The following NKAIN3 variants were observed in gnomAD, a reference collection of about 807,000 sequenced individuals.
NKAIN3 encodes sodium/potassium transporting ATPase interacting 3.
A neutral mutation model predicts 30.2 loss-of-function variants in NKAIN3; 25 were observed. That is an observed-to-expected ratio of 0.83 (90% CI 0.60 to 1.16). NKAIN3 has a LOEUF of 1.16. NKAIN3 is among the 50% of genes most tolerant of loss of function. NKAIN3 has a pLI of 0.00. For missense variants in NKAIN3, 225 were observed against 254.1 expected (o/e 0.89, Z 0.78); for synonymous variants, 91 against 89.6 (o/e 1.02, Z -0.09).
intron 1 of NKAIN3, among the ~76,000 whole-genome samples, chr8:62,419,607 G>A (rs566514609): frequency 1.3e-5 from 2 of 152,164 alleles, no homozygotes; most frequent in Non-Finnish European, 2.9e-5. Flanking sequence ...GATAAATCTT[G>A]TAGAGAAGGA....
chr8:62,798,367 CG>C (rs1013410023), intron 4 of NKAIN3, among the ~76,000 whole-genome samples: 2 of 151,970 alleles, frequency 1.3e-5, no homozygotes, highest in Non-Finnish European at 2.9e-5. Flanking sequence ...GTCAGGAGAT[CG>C]AGACCATCCT....
chr8:62,933,293 T>C (rs912045410), intron 5 of NKAIN3, among the ~76,000 whole-genome samples: 2 of 151,938 alleles, frequency 1.3e-5, no homozygotes, highest in Non-Finnish European at 2.9e-5. Flanking sequence ...AAGAAAGTAT[T>C]TCAAAACGGA....
At chr8:62,677,215 G>A (rs1813505581) in intron 3 of NKAIN3, among the ~76,000 whole-genome samples, 1 of 152,168 alleles carries the variant, frequency 6.6e-6, no homozygotes, top group Middle Eastern at 3.2e-3. Context: ...GGTTAGCAGA[G>A]ATCTGAGCGG....
chr8:62,318,801 T>G (rs1250711041), intron 1 of NKAIN3, among the ~76,000 whole-genome samples: 1 of 152,268 alleles, frequency 6.6e-6, no homozygotes, highest in East Asian at 1.9e-4. Flanking sequence ...TCTCTTTTTT[T>G]GTTGTGTCTC....
chr8:62,672,775 C>G (rs1813347109), intron 3 of NKAIN3, among the ~76,000 whole-genome samples: 1 of 152,044 alleles, frequency 6.6e-6, no homozygotes. Flanking sequence ...GTCTTTTTGT[C>G]TAGGATTTAC....
At chr8:62,952,564 A>C (rs1823313504) in intron 5 of NKAIN3, among the ~76,000 whole-genome samples, 2 of 152,172 alleles carry the variant, frequency 1.3e-5, no homozygotes, top group Admixed American at 1.3e-4. Flanking sequence ...CTGCTTTGTA[A>C]ATCAACCTAA....
At chr8:62,543,620 C>T (rs568389022) in intron 1 of NKAIN3, among the ~76,000 whole-genome samples, 7 of 152,224 alleles carry the variant, frequency 4.6e-5, no homozygotes, top group African/African-American at 1.2e-4. Flanking sequence ...TCATGGGTAC[C>T]GTACTCTTAG....
chr8:62,280,878 G>T (rs929346334), intron 1 of NKAIN3, among the ~76,000 whole-genome samples: 1 of 147,828 alleles, frequency 6.8e-6, no homozygotes, highest in African/African-American at 2.7e-5. Context: ...TCAGGATGAT[G>T]CTGGCCTCAT....
intron 3 of NKAIN3, among the ~76,000 whole-genome samples, chr8:62,605,004 G>T (rs895986037): frequency 2.0e-5 from 3 of 152,060 alleles, no homozygotes; most frequent in Admixed American, 2.0e-4. Context: ...GTCTCTGTAG[G>T]TGTAGGTATG....
chr8:62,540,589 T>A (rs1808806295), intron 1 of NKAIN3, among the ~76,000 whole-genome samples: 1 of 152,190 alleles, frequency 6.6e-6, no homozygotes, highest in Non-Finnish European at 1.5e-5. Context: ...ATAAATTTTA[T>A]CTTCTTGGAG....
chr8:62,464,700 A>T (rs547094832), intron 1 of NKAIN3, among the ~76,000 whole-genome samples: 1 of 152,156 alleles, frequency 6.6e-6, no homozygotes, highest in Non-Finnish European at 1.5e-5. Flanking sequence ...TGAAAAGCAA[A>T]ATAGTTGTTT....
At chr8:62,944,261 G>T (rs1823061479) in intron 5 of NKAIN3, among the ~76,000 whole-genome samples, 1 of 151,472 alleles carries the variant, frequency 6.6e-6, no homozygotes, top group African/African-American at 2.4e-5. Flanking sequence ...TTTATCTATT[G>T]TCCTTTCTTA....
At chr8:62,591,492 A>G (rs1810651211) in intron 3 of NKAIN3, among the ~76,000 whole-genome samples, 1 of 152,030 alleles carries the variant, frequency 6.6e-6, no homozygotes, top group African/African-American at 2.4e-5. Flanking sequence ...AAGTATCAGC[A>G]GTCATTTTTT....
At chr8:62,425,178 G>C (rs1804770631) in intron 1 of NKAIN3, among the ~76,000 whole-genome samples, 1 of 151,728 alleles carries the variant, frequency 6.6e-6, no homozygotes. Flanking sequence ...TTTCAGTTAG[G>C]CAAGATTAAC....
intron 1 of NKAIN3, among the ~76,000 whole-genome samples, chr8:62,426,394 G>T (rs1011005956): frequency 3.3e-5 from 5 of 151,898 alleles, no homozygotes; most frequent in Non-Finnish European, 7.4e-5. Context: ...TATGAATATA[G>T]AATAAGAATC....
At chr8:62,249,261 T>TC in intron 1 of NKAIN3, 134 bp downstream of exon 1, 1 of 741,624 alleles carries the variant, frequency 1.3e-6, no homozygotes, top group Non-Finnish European at 2.1e-6. Context: ...CCTCCCACCC[T>TC]CCCCACCGCC....
intron 4 of NKAIN3, among the ~76,000 whole-genome samples, chr8:62,808,600 A>G (rs1964551): frequency 0.19 from 29,381 of 151,986 alleles, 3,245 homozygotes; most frequent in African/African-American, 0.29. Flanking sequence ...ATCACATGTC[A>G]GCAGGTTCCA....
chr8:62,714,903 T>A (rs1814843498), intron 3 of NKAIN3, among the ~76,000 whole-genome samples: 2 of 152,190 alleles, frequency 1.3e-5, no homozygotes, highest in South Asian at 4.1e-4. Context: ...TTAACAGTGC[T>A]GTTTGTTTAG....
chr8:62,787,931 G>C (rs1344084360), intron 4 of NKAIN3, among the ~76,000 whole-genome samples: 1 of 152,082 alleles, frequency 6.6e-6, no homozygotes. Flanking sequence ...GTCTATCATT[G>C]TTGGACATCT....
Sources: gnomAD v4.1 joint callset for allele counts (sites outside exome capture counted in the v4.1 genomes callset) on GRCh38, gnomAD v4.1.1 for gene constraint, MANE v1.5 for transcripts, NCBI Gene and HGNC (gene_info 2026-07-23, HGNC 2026-07-21) for gene names.